The following ARB2A variants were observed in gnomAD, a reference collection of about 807,000 sequenced individuals.
The protein encoded by ARB2A is cotranscriptional regulator ARB2A.
the ARB2A span, among the ~76,000 whole-genome samples, chr5:93,864,625 T>C: frequency 6.6e-6 from 1 of 152,144 alleles, no homozygotes; most frequent in Admixed American, 6.5e-5. Context: ...TGCACAAAAA[T>C]TGAGGTTCTC....
the ARB2A span, among the ~76,000 whole-genome samples, chr5:93,779,408 G>A: frequency 5.3e-5 from 8 of 151,944 alleles, no homozygotes; most frequent in East Asian, 3.9e-4. Context: ...CAAGGCCCCC[G>A]TTTGTCCCCA....
At chr5:93,780,520 C>CTCTCTT in the ARB2A span, among the ~76,000 whole-genome samples, 16 of 151,762 alleles carry the variant, frequency 1.1e-4, no homozygotes, top group African/African-American at 3.2e-4. Flanking sequence ...CTTTCTCTTT[C>CTCTCTT]TCTCTTTCTC....
At chr5:94,110,776 T>C in the ARB2A span, among the ~76,000 whole-genome samples, 12 of 152,332 alleles carry the variant, frequency 7.9e-5, no homozygotes, top group East Asian at 1.5e-3. Context: ...AATGCACTTG[T>C]AGATAAAAAC....
At chr5:93,919,734 T>C in the ARB2A span, among the ~76,000 whole-genome samples, 1 of 152,188 alleles carries the variant, frequency 6.6e-6, no homozygotes, top group Admixed American at 6.5e-5. Flanking sequence ...ATGACATATA[T>C]AAATACTTCT....
At chr5:93,666,223 T>C in the ARB2A span, among the ~76,000 whole-genome samples, 1 of 152,220 alleles carries the variant, frequency 6.6e-6, no homozygotes, top group East Asian at 1.9e-4. Context: ...TTCATTTTAA[T>C]AAACGTAGAC....
chr5:93,981,580 A>T, the ARB2A span, among the ~76,000 whole-genome samples: 2 of 151,868 alleles, frequency 1.3e-5, no homozygotes, highest in Non-Finnish European at 2.9e-5. Context: ...TTATCCATTT[A>T]CCCTCCCAAT....
chr5:94,091,849 T>C, the ARB2A span, among the ~76,000 whole-genome samples: 1 of 152,172 alleles, frequency 6.6e-6, no homozygotes, highest in Non-Finnish European at 1.5e-5. Context: ...CCTATACAGC[T>C]TAGCAACATC....
chr5:93,731,187 C>A, the ARB2A span, among the ~76,000 whole-genome samples: 1 of 152,008 alleles, frequency 6.6e-6, no homozygotes, highest in East Asian at 1.9e-4. Flanking sequence ...GTTGAAGTCC[C>A]AAGCTCCAGT....
the ARB2A span, among the ~76,000 whole-genome samples, chr5:93,641,974 A>G: frequency 6.6e-6 from 1 of 152,046 alleles, no homozygotes; most frequent in Non-Finnish European, 1.5e-5. Context: ...TTTCCTATTG[A>G]TGATTGTTTA....
the ARB2A span, among the ~76,000 whole-genome samples, chr5:93,854,263 C>T: frequency 2.6e-5 from 4 of 152,130 alleles, no homozygotes; most frequent in African/African-American, 9.7e-5. Flanking sequence ...TTGTAGTATT[C>T]TCTGATGGTA....
At chr5:93,911,207 A>G in the ARB2A span, among the ~76,000 whole-genome samples, 2 of 151,674 alleles carry the variant, frequency 1.3e-5, no homozygotes, top group African/African-American at 4.8e-5. Context: ...TATTATGGAA[A>G]TTAAGAATCT....
chr5:93,813,320 G>A, the ARB2A span, among the ~76,000 whole-genome samples: 1 of 152,162 alleles, frequency 6.6e-6, no homozygotes, highest in Non-Finnish European at 1.5e-5. Flanking sequence ...TAGAACTTGT[G>A]ACAATAAAAT....
At chr5:93,789,675 C>T in the ARB2A span, among the ~76,000 whole-genome samples, 1 of 152,190 alleles carries the variant, frequency 6.6e-6, no homozygotes, top group African/African-American at 2.4e-5. Context: ...CACCTGGTTA[C>T]AAGTGTGCCC....
the ARB2A span, among the ~76,000 whole-genome samples, chr5:94,035,663 C>T: frequency 6.6e-6 from 1 of 152,152 alleles, no homozygotes; most frequent in South Asian, 2.1e-4. Flanking sequence ...CCATGGAATA[C>T]TATGCAGCCA....
the ARB2A span, among the ~76,000 whole-genome samples, chr5:93,908,979 T>C: frequency 6.6e-6 from 1 of 151,094 alleles, no homozygotes; most frequent in Non-Finnish European, 1.5e-5. Context: ...CGAGACGTCT[T>C]ACATTTCAAA....
At chr5:93,811,278 T>G in the ARB2A span, among the ~76,000 whole-genome samples, 1 of 152,152 alleles carries the variant, frequency 6.6e-6, no homozygotes, top group Non-Finnish European at 1.5e-5. Flanking sequence ...TTTTCCTGCT[T>G]AAACTAAATT....
the ARB2A span, among the ~76,000 whole-genome samples, chr5:94,089,535 G>T: frequency 2.7e-5 from 4 of 150,234 alleles, no homozygotes; most frequent in South Asian, 6.3e-4. Flanking sequence ...TGGTTAAGGG[G>T]TTTTGTTTTT....
At chr5:93,644,467 G>T in the ARB2A span, among the ~76,000 whole-genome samples, 2 of 151,900 alleles carry the variant, frequency 1.3e-5, no homozygotes, top group African/African-American at 4.8e-5. Context: ...ACCCTTAAAG[G>T]GTCCCAGAAA....
the ARB2A span, among the ~76,000 whole-genome samples, chr5:93,944,500 C>T: frequency 6.6e-6 from 1 of 151,982 alleles, no homozygotes; most frequent in Non-Finnish European, 1.5e-5. Context: ...GGGAGGATCA[C>T]TTGAGCCCAG....
Sources: gnomAD v4.1 joint callset for allele counts (sites outside exome capture counted in the v4.1 genomes callset) on GRCh38, gnomAD v4.1.1 for gene constraint, MANE v1.5 for transcripts, NCBI Gene and HGNC (gene_info 2026-07-23, HGNC 2026-07-21) for gene names.